KCNJ3: variants seen among roughly 807,000 people sequenced by gnomAD.
KCNJ3 encodes the protein G protein-activated inward rectifier potassium channel 1.
KCNJ3 carries 4 observed loss-of-function variants against 39.2 expected under a neutral mutation model. That is an observed-to-expected ratio of 0.10 (90% CI 0.05 to 0.23). KCNJ3 has a LOEUF of 0.23. Ranked by LOEUF, KCNJ3 falls within the 10% of genes least tolerant of loss-of-function variation. The probability of loss-of-function intolerance (pLI) is 1.00; values close to 1 mark genes in which losing one functional copy is unlikely to be tolerated. For synonymous variants in KCNJ3, 230 were observed against 237.4 expected, an observed-to-expected ratio of 0.97 and a Z score of 0.29; for missense variants, 276 against 634.9, an observed-to-expected ratio of 0.43 and a Z score of 6.08.
At chr2:154,709,970 T>G (rs1162412259) in intron 2 of KCNJ3, 151 bp downstream of exon 2, 1 of 917,646 alleles carries the variant, frequency 1.1e-6, no homozygotes, top group Admixed American at 3.0e-5. Context: ...AACATTAAAT[T>G]GATACCATTT....
intron 2 of KCNJ3, among the ~76,000 whole-genome samples, chr2:154,845,252 G>A (rs1687645799): frequency 6.6e-6 from 1 of 152,104 alleles, no homozygotes; most frequent in South Asian, 2.1e-4. Flanking sequence ...CCAAGTAGCT[G>A]GGATTAGAGA....
At chr2:154,848,120 T>C (rs1184510010) in intron 2 of KCNJ3, among the ~76,000 whole-genome samples, 2 of 152,172 alleles carry the variant, frequency 1.3e-5, no homozygotes, top group African/African-American at 4.8e-5. Context: ...ATACCACCTA[T>C]ATATATTTGT....
chr2:154,814,160 A>T (rs1310772071), intron 2 of KCNJ3, among the ~76,000 whole-genome samples: 1 of 152,168 alleles, frequency 6.6e-6, no homozygotes, highest in Admixed American at 6.6e-5. Context: ...TCTTTTTAAA[A>T]CTAAATTTAG....
intron 2 of KCNJ3, among the ~76,000 whole-genome samples, chr2:154,755,448 A>C (rs1311537474): frequency 6.6e-6 from 1 of 151,662 alleles, no homozygotes; most frequent in Admixed American, 6.6e-5. Flanking sequence ...ACAAAATCTG[A>C]TATTAGGCAT....
In KCNJ3 at chr2:154,751,850, GT is replaced by G. The variant is rs544456963; in HGVS notation, c.919+42034del. Among the ~76,000 whole-genome samples the G allele has an allele frequency of 1.7e-3, 252 of 151,998 alleles. 1 individual carries two copies. The highest frequency in any genetic ancestry group is 5.8e-3 in the African/African-American group (239 of 41,522). On this transcript the variant is annotated intron_variant, in intron 2 of 2. Transcript: ENST00000295101. Reference sequence around the variant, plus strand: ...TGTCTTCACATACTTTTCCTTCTGTGTTTGTGTGCAACCTAATCTTCTCTTT... The same window carrying G: ...TGTCTTCACATACTTTTCCTTCTGTGTTGTGTGCAACCTAATCTTCTCTTT...
intron 2 of KCNJ3, among the ~76,000 whole-genome samples, chr2:154,802,923 A>G (rs1034005412): frequency 6.6e-6 from 1 of 152,040 alleles, no homozygotes; most frequent in African/African-American, 2.4e-5. Flanking sequence ...TACAGATTCT[A>G]GATTTTGCAA....
At chr2:154,813,205 A>AAG (rs1687030883) in intron 2 of KCNJ3, among the ~76,000 whole-genome samples, 1 of 152,130 alleles carries the variant, frequency 6.6e-6, no homozygotes, top group Non-Finnish European at 1.5e-5. Context: ...CCTCTTTAGT[A>AAG]ACTAGCTTGC....
rs1685656366 is a variant in KCNJ3, at chr2:154,741,710, T to G, written c.919+31891T>G. On this transcript the variant is annotated intron_variant, in intron 2 of 2. Transcript: ENST00000295101. ...TGGCAGATTAAACATGTGAGTTTAG[T>G]TCCCCTCATTCTCCAAATTTCTTTG... Among the ~76,000 whole-genome samples, 5 of 151,986 alleles carry G rather than the reference T, an allele frequency of 3.3e-5. No individual in the cohort carries two copies. The South Asian group carries it at 1.0e-3, about 31-fold the overall frequency.
At chr2:154,766,514 T>C (rs961100743) in intron 2 of KCNJ3, among the ~76,000 whole-genome samples, 12 of 151,824 alleles carry the variant, frequency 7.9e-5, no homozygotes, top group African/African-American at 2.9e-4. Context: ...TTAATAAAAA[T>C]GATCCATAAT....
intron 2 of KCNJ3, among the ~76,000 whole-genome samples, chr2:154,839,557 TA>T (rs1156626025): frequency 2.0e-5 from 3 of 152,226 alleles, no homozygotes; most frequent in Non-Finnish European, 2.9e-5. Context: ...ACCAACAGTG[TA>T]AAAGCATTCC....
chr2:154,795,018 A>G (rs1467924068), intron 2 of KCNJ3, among the ~76,000 whole-genome samples: 1 of 151,958 alleles, frequency 6.6e-6, no homozygotes, highest in Non-Finnish European at 1.5e-5. Flanking sequence ...CTCACAGTGA[A>G]ATGAGGGATA....
chr2:154,733,495 C>G (rs1008156212), intron 2 of KCNJ3, among the ~76,000 whole-genome samples: 1 of 152,042 alleles, frequency 6.6e-6, no homozygotes, highest in African/African-American at 2.4e-5. Context: ...TAAGTTGAGG[C>G]CCTCTTTGGA....
intron 2 of KCNJ3, among the ~76,000 whole-genome samples, chr2:154,770,368 G>A (rs1347240457): frequency 6.6e-6 from 1 of 152,072 alleles, no homozygotes; most frequent in Non-Finnish European, 1.5e-5. Flanking sequence ...TCTTAATTCT[G>A]TTCCGTCGTA....
At chr2:154,826,730 A>G (rs1409188925) in intron 2 of KCNJ3, among the ~76,000 whole-genome samples, 1 of 151,896 alleles carries the variant, frequency 6.6e-6, no homozygotes, top group Admixed American at 6.6e-5. Flanking sequence ...AATACCCCAC[A>G]ATGAATTCAG....
intron 2 of KCNJ3, among the ~76,000 whole-genome samples, chr2:154,748,936 A>C (rs1685792735): frequency 6.6e-6 from 1 of 152,130 alleles, no homozygotes; most frequent in East Asian, 1.9e-4. Context: ...AGTGGCTTGC[A>C]AGGCACTTTG....
At chr2:154,737,283 A>G (rs1218796844) in intron 2 of KCNJ3, among the ~76,000 whole-genome samples, 1 of 152,240 alleles carries the variant, frequency 6.6e-6, no homozygotes, top group African/African-American at 2.4e-5. Context: ...AGTTTGTTCT[A>G]GATCTGCTTA....
intron 2 of KCNJ3, among the ~76,000 whole-genome samples, chr2:154,793,085 C>T (rs1038321740): frequency 5.9e-5 from 9 of 151,886 alleles, no homozygotes; most frequent in Non-Finnish European, 1.2e-4. Flanking sequence ...TTTTTCCCTC[C>T]GAATATAGTA....
chr2:154,800,040 A>G (rs1382628551), intron 2 of KCNJ3, among the ~76,000 whole-genome samples: 4 of 152,138 alleles, frequency 2.6e-5, no homozygotes, highest in African/African-American at 9.7e-5. Flanking sequence ...CCAAGTCTTG[A>G]AGGAATTTGG....
At chr2:154,751,039 G>T (rs1296996554) in intron 2 of KCNJ3, among the ~76,000 whole-genome samples, 1 of 151,658 alleles carries the variant, frequency 6.6e-6, no homozygotes, top group Non-Finnish European at 1.5e-5. Flanking sequence ...CTACAAATCA[G>T]GTTCGGTGTA....
Sources: gnomAD v4.1 joint callset for allele counts (sites outside exome capture counted in the v4.1 genomes callset) on GRCh38, gnomAD v4.1.1 for gene constraint, MANE v1.5 for transcripts, NCBI Gene and HGNC (gene_info 2026-07-23, HGNC 2026-07-21) for gene names.